The following CEP126 variants were observed in gnomAD, a reference collection of about 807,000 sequenced individuals.
CEP126 encodes centrosomal protein 126, also known as centrosomal protein of 126 kDa.
A neutral mutation model predicts 107.8 loss-of-function variants in CEP126; 74 were observed. That is an observed-to-expected ratio of 0.69 (90% CI 0.57 to 0.83). The LOEUF is 0.83. CEP126 is among the 40% of genes least tolerant of loss of function. The pLI, the probability that CEP126 is intolerant of heterozygous loss-of-function variation, is 0.00. For synonymous variants in CEP126, 449 were observed against 446.0 expected (o/e 1.01, Z -0.08); for missense variants, 1,237 against 1,281.9 (o/e 0.96, Z 0.53).
chr11:101,998,018 T>C lies in CEP126; in HGVS notation c.*375T>C, dbSNP rs1591299476. 1 of 170,600 alleles carries C rather than the reference T, an allele frequency of 5.9e-6. No individual in the cohort carries two copies. The highest frequency in any genetic ancestry group is 1.5e-4 in the East Asian group (1 of 6,630). 10.6% of individuals were successfully genotyped at this position (170,600 alleles called of 1,614,324 possible). Reference sequence around the variant, plus strand: ...GTTGAAATATATGTTAAATAAAATTTCTGTTTATTGAACCTCTTTATTAAA... The same window carrying C: ...GTTGAAATATATGTTAAATAAAATTCCTGTTTATTGAACCTCTTTATTAAA... On this transcript the variant is annotated 3_prime_UTR_variant, in exon 11 of 11. Transcript: ENST00000263468.
intron 2 of CEP126, among the ~76,000 whole-genome samples, chr11:101,938,393 T>G (rs1940622337): frequency 6.7e-6 from 1 of 149,438 alleles, no homozygotes; most frequent in African/African-American, 2.5e-5. Context: ...CTTGTCTATG[T>G]TTTCTCTATT....
chr11:101,992,654 A>C (rs1941398952), intron 9 of CEP126, 124 bp from the exon 10 acceptor site: 1 of 569,418 alleles, frequency 1.8e-6, no homozygotes, highest in African/African-American at 2.0e-5. Context: ...GTGACTGGAA[A>C]AAAGTGTCTT....
At chr11:101,983,180 G>A (rs927278085) in intron 8 of CEP126, among the ~76,000 whole-genome samples, 2 of 152,146 alleles carry the variant, frequency 1.3e-5, no homozygotes, top group African/African-American at 4.8e-5. Flanking sequence ...ACCCCTGTGG[G>A]TAGCAGTGAT....
intron 4 of CEP126, among the ~76,000 whole-genome samples, chr11:101,954,163 G>T (rs933690430): frequency 6.6e-6 from 1 of 152,028 alleles, no homozygotes; most frequent in Non-Finnish European, 1.5e-5. Flanking sequence ...AAGTAGCTGG[G>T]ATTACAGGAA....
chr11:101,947,448 A>G (rs1424843667), intron 3 of CEP126, among the ~76,000 whole-genome samples: 1 of 152,104 alleles, frequency 6.6e-6, no homozygotes, highest in Non-Finnish European at 1.5e-5. Flanking sequence ...GGCGTTGAGA[A>G]AGTGGATATA....
chr11:101,947,441 G>A (rs549818993), intron 3 of CEP126, among the ~76,000 whole-genome samples: 19 of 152,252 alleles, frequency 1.2e-4, no homozygotes, highest in African/African-American at 3.4e-4. Context: ...AGTGGAAGGC[G>A]TTGAGAAAGT....
In CEP126 at chr11:101,948,113, C is replaced by G. The variant is rs747572127; in HGVS notation, c.477C>G (p.Pro159=). 28 of 1,609,088 alleles carry G rather than the reference C, an allele frequency of 1.7e-5. No individual in the cohort carries two copies. The highest frequency in any genetic ancestry group is 2.3e-5 in the Non-Finnish European group (27 of 1,176,266). Residue 159 remains proline (P), a synonymous_variant, in exon 4 of 11, where the codon CCC becomes CCG. Transcript: ENST00000263468. The part of the protein sequence containing the change: ...ESNLKSEVNL[P]FSRRPTINWR... ...ACTTAAAATCAGAAGTAAACCTTCC[C>G]TTTTCCCGTAGACCAACAATAAACT...
intron 2 of CEP126, among the ~76,000 whole-genome samples, chr11:101,933,113 C>T (rs186961245): frequency 2.0e-5 from 3 of 152,270 alleles, no homozygotes; most frequent in Admixed American, 6.5e-5. Context: ...ATGGGAAAGA[C>T]AGACAGTTAA....
At chr11:101,970,763 A>G (rs1941117289) in intron 6 of CEP126, among the ~76,000 whole-genome samples, 1 of 152,226 alleles carries the variant, frequency 6.6e-6, no homozygotes, top group South Asian at 2.1e-4. Flanking sequence ...ATTATGTTCC[A>G]ATCACTATTT....
At chr11:101,958,440 C>A in intron 5 of CEP126, 74 bp downstream of exon 5, 1 of 1,224,188 alleles carries the variant, frequency 8.2e-7, no homozygotes, top group Non-Finnish European at 1.2e-6. Context: ...CAGTGTTCTC[C>A]ACTAAAGAAA....
chr11:101,948,965 T>A (rs1940775680), intron 4 of CEP126, among the ~76,000 whole-genome samples: 1 of 152,206 alleles, frequency 6.6e-6, no homozygotes, highest in South Asian at 2.1e-4. Context: ...ACAGTTCCCT[T>A]GATTAGGACT....
chr11:101,921,966 A>G (rs1940335300), intron 1 of CEP126, among the ~76,000 whole-genome samples: 1 of 150,426 alleles, frequency 6.6e-6, no homozygotes. Flanking sequence ...TTGTGTTTTC[A>G]GTAGAGACAG....
At chr11:101,994,839 G>A (rs180829512) in intron 10 of CEP126, among the ~76,000 whole-genome samples, 61 of 151,502 alleles carry the variant, frequency 4.0e-4, no homozygotes, top group African/African-American at 1.4e-3. Flanking sequence ...AGTGTACATC[G>A]GTAAGTATCC....
chr11:101,971,008 C>G (rs1163260129), intron 6 of CEP126, among the ~76,000 whole-genome samples: 1 of 152,150 alleles, frequency 6.6e-6, no homozygotes, highest in Non-Finnish European at 1.5e-5. Flanking sequence ...AAGGGTCTCA[C>G]TCTGTCACCC....
At chr11:101,974,416 G>A (rs1941169925) in intron 6 of CEP126, among the ~76,000 whole-genome samples, 1 of 152,118 alleles carries the variant, frequency 6.6e-6, no homozygotes. Context: ...CAAAGAAGAA[G>A]GAGTAAACAG....
chr11:101,975,565 C>A (rs947802033), intron 6 of CEP126, among the ~76,000 whole-genome samples: 9 of 152,114 alleles, frequency 5.9e-5, no homozygotes, highest in Non-Finnish European at 1.0e-4. Context: ...GCCTTAATTT[C>A]TTTTTTGTTG....
intron 6 of CEP126, among the ~76,000 whole-genome samples, chr11:101,966,226 G>A (rs1941056004): frequency 6.6e-6 from 1 of 152,022 alleles, no homozygotes; most frequent in Admixed American, 6.5e-5. Flanking sequence ...AAATATAACA[G>A]TACTAACAAT....
intron 4 of CEP126, among the ~76,000 whole-genome samples, chr11:101,953,206 A>G (rs1940836173): frequency 6.6e-6 from 1 of 152,224 alleles, no homozygotes; most frequent in Admixed American, 6.5e-5. Flanking sequence ...AGGAAACTCA[A>G]AACTATAGCT....
intron 1 of CEP126, among the ~76,000 whole-genome samples, chr11:101,918,567 A>G (rs1386065122): frequency 6.6e-6 from 1 of 152,218 alleles, no homozygotes; most frequent in Non-Finnish European, 1.5e-5. Flanking sequence ...GGTACATAAT[A>G]CATTTCTAAT....
Sources: allele counts gnomAD v4.1 joint callset (sites outside exome capture counted in the v4.1 genomes callset), GRCh38; gene constraint gnomAD v4.1.1; transcripts MANE v1.5; gene names NCBI Gene and HGNC (gene_info 2026-07-23, HGNC 2026-07-21).